The following PLXDC2 variants were observed in gnomAD, a reference collection of about 807,000 sequenced individuals.
PLXDC2 encodes the protein plexin domain containing 2, also known as plexin domain-containing protein 2.
PLXDC2 carries 40 observed loss-of-function variants against 68.9 expected under a neutral mutation model. The observed-to-expected ratio is 0.58, with a 90% CI of 0.45 to 0.76. The LOEUF is 0.76. PLXDC2 is among the 30% of genes least tolerant of loss of function. PLXDC2 has a pLI of 0.00. For synonymous variants in PLXDC2, 243 were observed against 234.2 expected (o/e 1.04, Z -0.34); for missense variants, 644 against 661.9 (o/e 0.97, Z 0.30).
chr10:20,037,229 C>T (rs1835591730), intron 2 of PLXDC2, among the ~76,000 whole-genome samples: 1 of 152,148 alleles, frequency 6.6e-6, no homozygotes, highest in Non-Finnish European at 1.5e-5. Context: ...GTAGAAATCT[C>T]ATACATATTC....
At chr10:20,138,534 C>A (rs1833961926) in intron 4 of PLXDC2, among the ~76,000 whole-genome samples, 1 of 152,170 alleles carries the variant, frequency 6.6e-6, no homozygotes, top group African/African-American at 2.4e-5. Flanking sequence ...ATTGCCCAGC[C>A]TTATTAAATA....
intron 1 of PLXDC2, among the ~76,000 whole-genome samples, chr10:19,840,172 A>G (rs991675190): frequency 2.6e-5 from 4 of 152,142 alleles, no homozygotes; most frequent in African/African-American, 4.8e-5. Flanking sequence ...GACAGTTAAT[A>G]TCTATATATA....
chr10:20,061,641 C>T (rs1836105949), intron 3 of PLXDC2, among the ~76,000 whole-genome samples: 1 of 152,164 alleles, frequency 6.6e-6, no homozygotes, highest in Non-Finnish European at 1.5e-5. Flanking sequence ...CATTACACTT[C>T]TACCTACTGA....
chr10:20,132,413 C>G (rs1833879165), intron 4 of PLXDC2, among the ~76,000 whole-genome samples: 1 of 152,098 alleles, frequency 6.6e-6, no homozygotes, highest in Non-Finnish European at 1.5e-5. Flanking sequence ...TTGTTTTTGT[C>G]TGGATGACCT....
chr10:20,213,294 A>G (rs542996163), intron 10 of PLXDC2, among the ~76,000 whole-genome samples: 1 of 152,174 alleles, frequency 6.6e-6, no homozygotes, highest in Non-Finnish European at 1.5e-5. Context: ...GCCAAATTTC[A>G]AGCACCATTT....
chr10:19,887,532 A>G (rs72785805), intron 1 of PLXDC2, among the ~76,000 whole-genome samples: 2,739 of 152,258 alleles, frequency 0.018, 44 homozygotes, highest in Middle Eastern at 0.037. Context: ...AAAAACAAAA[A>G]CAAAACAAAC....
intron 13 of PLXDC2, among the ~76,000 whole-genome samples, chr10:20,268,017 T>C (rs1037613528): frequency 1.1e-4 from 16 of 152,172 alleles, no homozygotes; most frequent in African/African-American, 3.9e-4. Flanking sequence ...CAGTAATGAA[T>C]ATCACTGGAG....
chr10:19,977,935 G>A (rs1323212192), intron 1 of PLXDC2, among the ~76,000 whole-genome samples: 1 of 152,076 alleles, frequency 6.6e-6, no homozygotes, highest in Non-Finnish European at 1.5e-5. Context: ...AATAGCACCT[G>A]GTGTCTCTCT....
At chr10:20,078,600 C>T (rs1414879194) in intron 4 of PLXDC2, among the ~76,000 whole-genome samples, 1 of 152,108 alleles carries the variant, frequency 6.6e-6, no homozygotes, top group African/African-American at 2.4e-5. Context: ...TAGAAATACA[C>T]AGCAATGGAA....
Position 20,282,319 on chromosome 10 carries a change from C to G in PLXDC2, c.*2500C>G, listed in dbSNP as rs1836091983. The G allele has an allele frequency of 6.6e-6, 1 of 151,944 alleles. No homozygotes were observed. Among genetic ancestry groups the G allele is most frequent in the Non-Finnish European group, 1.5e-5 (1 of 67,978 alleles). The allele number at this position is 151,944 out of a possible 1,614,324, so 9.4% of individuals were successfully genotyped here. On this transcript the variant is annotated 3_prime_UTR_variant, in exon 14 of 14. Transcript: ENST00000377252. ...TTTATATTTCTGGTTTGTTCTTGTTCCCATGTGAGAAAACATACAGTTTCT... is the reference window on the plus strand; with the variant it reads ...TTTATATTTCTGGTTTGTTCTTGTTGCCATGTGAGAAAACATACAGTTTCT...
intron 2 of PLXDC2, among the ~76,000 whole-genome samples, chr10:20,031,353 G>C (rs1835498495): frequency 6.6e-6 from 1 of 151,850 alleles, no homozygotes. Context: ...CTGGGCGACA[G>C]AGCAAGATCC....
chr10:19,851,212 T>A lies in PLXDC2; in HGVS notation c.112+34021T>A, dbSNP rs148461283. 3.9e-4 allele frequency among the ~76,000 whole-genome samples: 60 copies of A among 152,304 alleles called. No individual in the cohort carries two copies. The East Asian group carries it at 0.012, about 29-fold the overall frequency. On this transcript the variant is annotated intron_variant, in intron 1 of 13. Transcript: ENST00000377252. ...AGATTGCTTTTCTCTTGCTCCATTG[T>A]CATCATCCAAAGGAATAAAGTAACA...
At chr10:20,005,494 C>T (rs1002640748) in intron 2 of PLXDC2, among the ~76,000 whole-genome samples, 1 of 152,056 alleles carries the variant, frequency 6.6e-6, no homozygotes, top group Non-Finnish European at 1.5e-5. Flanking sequence ...AAAGAAATAC[C>T]GAGACTGGGT....
At chr10:19,972,551 T>C (rs1834373086) in intron 1 of PLXDC2, among the ~76,000 whole-genome samples, 1 of 152,032 alleles carries the variant, frequency 6.6e-6, no homozygotes, top group Non-Finnish European at 1.5e-5. Flanking sequence ...CAACATGCAA[T>C]TTGCCCATGT....
At chr10:20,273,632 A>T (rs567477535) in intron 13 of PLXDC2, among the ~76,000 whole-genome samples, 1 of 152,348 alleles carries the variant, frequency 6.6e-6, no homozygotes, top group African/African-American at 2.4e-5. Flanking sequence ...TGTGAAAACA[A>T]TGTGACAAGA....
chr10:19,895,668 C>A (rs765926248), intron 1 of PLXDC2, among the ~76,000 whole-genome samples: 3 of 152,010 alleles, frequency 2.0e-5, no homozygotes, highest in African/African-American at 7.2e-5. Context: ...TAGTGGCCAC[C>A]GCCTTAGACA....
chr10:20,220,722 C>T (rs760679260), intron 12 of PLXDC2, among the ~76,000 whole-genome samples: 2 of 151,920 alleles, frequency 1.3e-5, no homozygotes, highest in Non-Finnish European at 2.9e-5. Flanking sequence ...CTTGGGGCTA[C>T]AGAAGTGAAC....
In PLXDC2 at chr10:20,154,339, C is replaced by T. The variant is rs149985914; in HGVS notation, c.783+6437C>T. Among the ~76,000 whole-genome samples the T allele has an allele frequency of 8.0e-3, 1,212 of 152,164 alleles. 19 individuals are homozygous for T. Among genetic ancestry groups the T allele is most frequent in the African/African-American group, 0.028 (1,160 of 41,532 alleles). ...CAGCACTTTGGGAGGCCAAGGTGGGCTGATCACTTGAGGTCAGGAGTTGGA... is the reference window on the plus strand; with the variant it reads ...CAGCACTTTGGGAGGCCAAGGTGGGTTGATCACTTGAGGTCAGGAGTTGGA... On this transcript the variant is annotated intron_variant, in intron 6 of 13. Coordinates refer to ENST00000377252, the MANE Select transcript of PLXDC2 (RefSeq NM_032812.9).
At chr10:19,885,085 G>A (rs1020592499) in intron 1 of PLXDC2, among the ~76,000 whole-genome samples, 1 of 152,196 alleles carries the variant, frequency 6.6e-6, no homozygotes, top group South Asian at 2.1e-4. Context: ...GTTTTGATTT[G>A]CATTTCTCTG....
Sources: gnomAD v4.1 joint callset for allele counts (sites outside exome capture counted in the v4.1 genomes callset) on GRCh38, gnomAD v4.1.1 for gene constraint, MANE v1.5 for transcripts, NCBI Gene and HGNC (gene_info 2026-07-23, HGNC 2026-07-21) for gene names.